The following EPB41 variants were observed in gnomAD, a reference collection of about 807,000 sequenced individuals.
EPB41 encodes the protein erythrocyte membrane protein band 4.1.
EPB41 carries 65 observed loss-of-function variants against 108.0 expected under a neutral mutation model. The observed-to-expected ratio is 0.60, with a 90% CI of 0.49 to 0.74. The LOEUF (loss-of-function observed/expected upper bound fraction) is 0.74. EPB41 is among the 30% of genes least tolerant of loss of function. The probability of loss-of-function intolerance (pLI) is 0.00; values close to 1 mark genes in which losing one functional copy is unlikely to be tolerated. For missense variants in EPB41, 875 were observed against 1,037.0 expected (o/e 0.84, Z 2.15); for synonymous variants, 336 against 358.9 (o/e 0.94, Z 0.72).
intron 17 of EPB41, among the ~76,000 whole-genome samples, chr1:29,106,440 T>A (rs747467530): frequency 7.9e-5 from 12 of 151,920 alleles, no homozygotes; most frequent in Non-Finnish European, 1.6e-4. Flanking sequence ...CCATATTGCT[T>A]TTATTTTTTA....
intron 6 of EPB41, among the ~76,000 whole-genome samples, chr1:29,017,157 A>G (rs2096588523): frequency 6.6e-6 from 1 of 152,232 alleles, no homozygotes. Flanking sequence ...TATGTATAAA[A>G]CAAAACACAT....
At chr1:28,895,635 G>A (rs527873302) in intron 1 of EPB41, among the ~76,000 whole-genome samples, 18 of 152,136 alleles carry the variant, frequency 1.2e-4, no homozygotes, top group Admixed American at 6.5e-4. Flanking sequence ...GACTACAGGC[G>A]TGCACCACCA....
At chr1:28,917,033 C>G (rs2092723333) in intron 1 of EPB41, among the ~76,000 whole-genome samples, 1 of 152,016 alleles carries the variant, frequency 6.6e-6, no homozygotes, top group South Asian at 2.1e-4. Context: ...TCAAGAGATC[C>G]TCCTCCCTGG....
At chr1:29,104,810 G>C (rs548575234) in intron 17 of EPB41, among the ~76,000 whole-genome samples, 14 of 151,940 alleles carry the variant, frequency 9.2e-5, no homozygotes, top group Admixed American at 9.2e-4. Flanking sequence ...GGCTGGTCTC[G>C]AACTCCTGAC....
At chr1:28,982,415 A>AC in intron 1 of EPB41, 1 of 748,266 alleles carries the variant, frequency 1.3e-6, no homozygotes, top group South Asian at 1.3e-5. Context: ...TTGATCTTTG[A>AC]CCCCTTGGTG....
chr1:28,916,900 C>T (rs963656621), intron 1 of EPB41, among the ~76,000 whole-genome samples: 5 of 151,706 alleles, frequency 3.3e-5, no homozygotes, highest in South Asian at 2.1e-4. Context: ...AAGTGATCCT[C>T]CTGCCTCAGC....
intron 19 of EPB41, among the ~76,000 whole-genome samples, chr1:29,113,813 C>T (rs1015014315): frequency 6.6e-6 from 1 of 152,130 alleles, no homozygotes; most frequent in Non-Finnish European, 1.5e-5. Flanking sequence ...TTTCTAGTTA[C>T]TGAGAGTGCA....
chr1:28,987,924 G>T lies in EPB41; in HGVS notation c.468+19G>T. 1 of 1,611,354 alleles carries T rather than the reference G, an allele frequency of 6.2e-7. No homozygotes were observed. Among genetic ancestry groups the T allele is most frequent in the South Asian group, 1.1e-5 (1 of 90,988 alleles). On this transcript the variant is annotated intron_variant, in intron 2 of 20. Coordinates refer to ENST00000343067, the MANE Select transcript of EPB41 (RefSeq NM_001376013.1). ...AACACAGGTAAGGATGTGTGGATAT[G>T]GGAGGTGGGCAAAGGAAGGCAGGTT...
At chr1:29,078,456 A>G (rs1476067528) in intron 16 of EPB41, among the ~76,000 whole-genome samples, 1 of 152,150 alleles carries the variant, frequency 6.6e-6, no homozygotes, top group Admixed American at 6.5e-5. Context: ...GTACACCTGA[A>G]CTGTAATCAA....
chr1:28,967,962 G>A (rs1040925342), intron 1 of EPB41, among the ~76,000 whole-genome samples: 34 of 151,940 alleles, frequency 2.2e-4, no homozygotes, highest in South Asian at 2.1e-4. Context: ...GCACCGCCAC[G>A]CCTGGCAAAT....
intron 17 of EPB41, among the ~76,000 whole-genome samples, chr1:29,104,983 A>G (rs191151338): frequency 1.0e-3 from 152 of 151,942 alleles, no homozygotes; most frequent in Non-Finnish European, 1.8e-3. Flanking sequence ...TCAGCCTCCC[A>G]AAGTGCTGGT....
At chr1:28,913,561 T>C (rs1356868437), upstream of EPB41, among the ~76,000 whole-genome samples, 1 of 152,174 alleles carries the variant, frequency 6.6e-6, no homozygotes, top group Admixed American at 6.5e-5. Context: ...GGGGCTGTGA[T>C]TAGATATCAG....
intron 1 of EPB41, among the ~76,000 whole-genome samples, chr1:28,946,086 T>A (rs1233180949): frequency 6.6e-6 from 1 of 152,204 alleles, no homozygotes; most frequent in Non-Finnish European, 1.5e-5. Flanking sequence ...TGACAAAGAT[T>A]TGGATATTTG....
chr1:29,092,011 A>C (rs1480030908), intron 16 of EPB41, among the ~76,000 whole-genome samples: 4 of 151,582 alleles, frequency 2.6e-5, no homozygotes, highest in African/African-American at 9.7e-5. Context: ...CTAATATAAT[A>C]CCTATAACAT....
At chr1:29,013,834 G>GTTTTTT (rs537368192) in intron 5 of EPB41, among the ~76,000 whole-genome samples, 3 of 131,852 alleles carry the variant, frequency 2.3e-5, no homozygotes, top group Non-Finnish European at 3.2e-5. Flanking sequence ...CAGCCCTTAA[G>GTTTTTT]TTTTTTTTTT....
chr1:28,940,831 C>T (rs1325952498), intron 1 of EPB41, among the ~76,000 whole-genome samples: 1 of 152,104 alleles, frequency 6.6e-6, no homozygotes, highest in Non-Finnish European at 1.5e-5. Context: ...AATCGTCTGA[C>T]ATGTTATATG....
At chr1:29,070,170 T>G (rs1375923710) in intron 16 of EPB41, 4 of 392,090 alleles carry the variant, frequency 1.0e-5, no homozygotes, top group Non-Finnish European at 1.8e-5. Context: ...CAAAAAGGTA[T>G]CTATTGAGCA....
chr1:29,116,299 C>T lies in EPB41; in HGVS notation c.*6+496C>T, dbSNP rs148719501. Among the ~76,000 whole-genome samples, 182 of 152,158 alleles carry T rather than the reference C, an allele frequency of 1.2e-3. 1 individual carries two copies. Among genetic ancestry groups the T allele is most frequent in the African/African-American group, 4.1e-3 (171 of 41,504 alleles). On this transcript the variant is annotated intron_variant, in intron 20 of 20. Coordinates refer to ENST00000343067, the MANE Select transcript of EPB41 (RefSeq NM_001376013.1). ...AAGAAGGTGGGACTACAGGCATGTGCCACCATGCCCAGCTAATTTTTGTAT... is the reference window on the plus strand; with the variant it reads ...AAGAAGGTGGGACTACAGGCATGTGTCACCATGCCCAGCTAATTTTTGTAT...
At chr1:28,994,597 CAA>C (rs1366199478) in intron 3 of EPB41, among the ~76,000 whole-genome samples, 3 of 152,014 alleles carry the variant, frequency 2.0e-5, no homozygotes, top group Admixed American at 6.6e-5. Flanking sequence ...CTTTTATTGA[CAA>C]AGTGTGTAAT....
Sources: gnomAD v4.1 joint callset for allele counts (sites outside exome capture counted in the v4.1 genomes callset) on GRCh38, gnomAD v4.1.1 for gene constraint, MANE v1.5 for transcripts, NCBI Gene and HGNC (gene_info 2026-07-23, HGNC 2026-07-21) for gene names.